OSCAR: variants seen among roughly 807,000 people sequenced by gnomAD.
OSCAR encodes osteoclast-associated immunoglobulin-like receptor.
OSCAR carries 25 observed loss-of-function variants against 27.3 expected under a neutral mutation model. That is an observed-to-expected ratio of 0.92 (90% CI 0.67 to 1.28). The LOEUF is 1.28. Among genes scored for constraint, OSCAR ranks in the 50% most tolerant of loss-of-function variants. OSCAR has a pLI of 0.00. For synonymous variants in OSCAR, 158 were observed against 165.7 expected (o/e 0.95, Z 0.36); for missense variants, 354 against 355.1 (o/e 1.00, Z 0.03).
Position 54,096,129 on chromosome 19 carries a change from A to G in OSCAR, c.398T>C (p.Val133Ala). Residue 133 changes from valine (V) to alanine (A), a missense_variant, in exon 4 of 5, where the codon GTG (valine) becomes GCG (alanine). By Grantham distance (64) the Val-to-Ala change is moderately conservative. Coordinates refer to ENST00000358375, the MANE Select transcript of OSCAR (RefSeq NM_133169.6). ...VTEELPRPSL[V>A]ALPGPVVGPG... ...ACCCACCACCGGCCCGGGCAGCGCC[A>G]CCAGCGACGGCCGCGGCAGCTCCTC... is the stretch of plus-strand genomic sequence containing the variant. The G allele has an allele frequency of 1.4e-5, 21 of 1,524,844 alleles. No homozygotes were observed. The highest frequency in any genetic ancestry group is 1.8e-5 in the Non-Finnish European group (21 of 1,142,860). The allele number at this position is 1,524,844 out of a possible 1,614,324, so 94.5% of individuals were successfully genotyped here. A position where few individuals can be genotyped will look rare whatever the true frequency, so the allele number is the denominator to read the frequency against.
rs746784561 is a variant in OSCAR at position 54,095,333 on chromosome 19, C to T, written c.680G>A (p.Arg227Gln). The change falls in exon 5 of 5, where the codon CGG becomes CAG. Residue 227 changes from arginine (R) to glutamine (Q), a missense_variant. Coordinates refer to ENST00000358375, the MANE Select transcript of OSCAR (RefSeq NM_133169.6). ...WEDSGSSDYT[R>Q]GNLVRLGLAG... is the part of the protein sequence containing the mutation. ...CAGCCCCAGGCGGACTAGGTTCCCC[C>T]GGGTGTAGTCGGAGGAGCCAGAGTC... 1.9e-6 allele frequency: 3 copies of T among 1,569,336 alleles called. No homozygotes were observed. The highest frequency in any genetic ancestry group is 2.3e-5 in the South Asian group (2 of 85,644).
chr19:54,098,841 C>A (rs2146302512), intron 2 of OSCAR, among the ~76,000 whole-genome samples: 1 of 151,692 alleles, frequency 6.6e-6, no homozygotes, highest in East Asian at 2.0e-4. Context: ...CAAAAATTAT[C>A]CGGGCATTGT....
At chr19:54,095,771 G>A in intron 4 of OSCAR, 101 bp downstream of exon 4, 1 of 1,527,286 alleles carries the variant, frequency 6.5e-7, no homozygotes, top group Non-Finnish European at 8.8e-7. Flanking sequence ...TGGGTCTGAA[G>A]GAGGAGAGGC....
intron 3 of OSCAR, among the ~76,000 whole-genome samples, chr19:54,096,556 CCCTCTCTCTCTGCCTG>C (rs2072730102): frequency 3.0e-5 from 2 of 67,030 alleles, no homozygotes; most frequent in Non-Finnish European, 5.2e-5. Context: ...CTCTCTGCCT[CCCTCTCTCTCTGCCTG>C]CCTCTCTCTC....
intron 1 of OSCAR, among the ~76,000 whole-genome samples, chr19:54,100,335 C>T (rs756342820): frequency 4.6e-5 from 7 of 152,168 alleles, no homozygotes; most frequent in Non-Finnish European, 7.3e-5. Context: ...GGCCCTTGAA[C>T]TCCACCTTTC....
intron 2 of OSCAR, among the ~76,000 whole-genome samples, chr19:54,099,229 A>ATT (rs1228940404): frequency 0.012 from 984 of 82,402 alleles, 58 homozygotes; most frequent in African/African-American, 0.041. Flanking sequence ...CACCCGGCTA[A>ATT]TTTTTTTTTT....
intron 3 of OSCAR, 113 bp downstream of exon 3, chr19:54,096,749 T>G (rs1190943357): frequency 4.1e-5 from 48 of 1,173,444 alleles, no homozygotes; most frequent in Non-Finnish European, 5.2e-5. Context: ...TCTTTTCTTG[T>G]GTCTGTGAAT....
At chr19:54,099,209 C>G (rs1465895755) in intron 2 of OSCAR, among the ~76,000 whole-genome samples, 1 of 137,126 alleles carries the variant, frequency 7.3e-6, no homozygotes, top group Non-Finnish European at 1.5e-5. Flanking sequence ...ATTACAGGTG[C>G]GTCCCACCAC....
intron 2 of OSCAR, among the ~76,000 whole-genome samples, chr19:54,097,797 C>T (rs1032597898): frequency 2.7e-5 from 4 of 150,610 alleles, no homozygotes; most frequent in South Asian, 2.1e-4. Flanking sequence ...GACGAGCATT[C>T]GCTATATTGC....
rs2072775158 is a variant in OSCAR at position 54,097,010 on chromosome 19, G to C, written c.225C>G (p.Phe75Leu). ...CTGCCAGCTCGGAGGACACATCCCG[G>C]AAGAGAAGGGGAGCGATCTCTCCAG... ...FKPGEIAPLL[F>L]RDVSSELAEF... The change falls in exon 3 of 5, where the codon TTC becomes TTG. Residue 75 changes from phenylalanine to leucine, a missense_variant. Phe to Leu is a conservative substitution (Grantham distance 22). Coordinates refer to ENST00000358375, the MANE Select transcript of OSCAR (RefSeq NM_133169.6). The C allele has an allele frequency of 1.2e-6, 2 of 1,614,058 alleles. No homozygotes were observed. The highest frequency in any genetic ancestry group is 2.2e-5 in the South Asian group (2 of 91,078).
Position 54,097,099 on chromosome 19 carries a change from C to T in OSCAR, c.136G>A (p.Gly46Arg). Residue 46 changes from glycine to arginine, a missense_variant, in exon 3 of 5, where the codon GGG becomes AGG. By Grantham distance (125) the Gly-to-Arg change is moderately radical. Coordinates refer to ENST00000358375, the MANE Select transcript of OSCAR (RefSeq NM_133169.6). ...GAQPATVVTPGVNVTLRCRAP... is the reference protein window; with the variant it reads ...GAQPATVVTPRVNVTLRCRAP... ...CGGCATCTCAAGGTCACGTTGACCC[C>T]AGGGGTCACAACTGTAGCCGGCTGA... The T allele has an allele frequency of 6.2e-7, 1 of 1,614,190 alleles. No homozygotes were observed. The highest frequency in any genetic ancestry group is 8.5e-7 in the Non-Finnish European group (1 of 1,180,026).
rs1271452975 is a variant in OSCAR, at chr19:54,096,119, G to A, written c.408C>T (p.Pro136=). The change falls in exon 4 of 5, where the codon CCC becomes CCT. Residue 136 remains proline, a synonymous_variant. Coordinates refer to ENST00000358375, the MANE Select transcript of OSCAR (RefSeq NM_133169.6). ...TGGCGCCAGGACCCACCACCGGCCC[G>A]GGCAGCGCCACCAGCGACGGCCGCG... ...ELPRPSLVAL[P]GPVVGPGANV... 2 of 1,526,994 alleles carry A rather than the reference G, an allele frequency of 1.3e-6. No individual in the cohort carries two copies. Among genetic ancestry groups the A allele is most frequent in the Non-Finnish European group, 8.7e-7 (1 of 1,143,626 alleles). 94.6% of individuals were successfully genotyped at this position (1,526,994 alleles called of 1,614,324 possible). A position where few individuals can be genotyped will look rare whatever the true frequency, so the allele number is the denominator to read the frequency against.
At chr19:54,099,816 T>TA in intron 1 of OSCAR, 36 bp from the exon 2 acceptor site, 1 of 1,454,920 alleles carries the variant, frequency 6.9e-7, no homozygotes, top group Non-Finnish European at 9.3e-7. Flanking sequence ...CTTTTTCCTT[T>TA]TTTTTTTTTT....
At position 54,095,937 on chromosome 19, in the gene OSCAR, T is replaced by C. The variant is rs146844863; in HGVS notation, c.590A>G (p.Tyr197Cys). 6.2e-5 allele frequency: 99 copies of C among 1,587,692 alleles called. No homozygotes were observed. In the African/African-American group the frequency reaches 1.1e-3, roughly 18 times the overall value. Reference protein sequence around the residue: ...ARAPGTYSCYYHTPSAPYVLS... With the variant: ...ARAPGTYSCYCHTPSAPYVLS... ...CACGTAGGGCGCGGAGGGCGTGTGATAGTAGCAGCTGTAGGTGCCGGGGGC... is the reference window on the plus strand; with the variant it reads ...CACGTAGGGCGCGGAGGGCGTGTGACAGTAGCAGCTGTAGGTGCCGGGGGC... The change falls in exon 4 of 5, where the codon TAT becomes TGT. Residue 197 changes from tyrosine (Y) to cysteine (C), a missense_variant. By Grantham distance (194) the Tyr-to-Cys change is radical (BLOSUM62 -2). Transcript: ENST00000358375.
intron 2 of OSCAR, among the ~76,000 whole-genome samples, chr19:54,098,694 T>C (rs1380898694): frequency 1.3e-5 from 2 of 150,738 alleles, no homozygotes; most frequent in African/African-American, 4.9e-5. Context: ...TAAAAATGAA[T>C]AAAAATAAGG....
At chr19:54,099,111 G>A (rs1427483695) in intron 2 of OSCAR, among the ~76,000 whole-genome samples, 2 of 151,542 alleles carry the variant, frequency 1.3e-5, no homozygotes, top group Non-Finnish European at 2.9e-5. Flanking sequence ...CACCCAGGCT[G>A]GAGTGCAGTG....
At chr19:54,095,663 G>C (rs587615216) in intron 4 of OSCAR, 2 of 1,006,606 alleles carry the variant, frequency 2.0e-6, no homozygotes, top group Admixed American at 5.8e-5. Flanking sequence ...GTCTGAGGGA[G>C]GAGGAGCTGG....
chr19:54,098,084 A>G (rs752300443), intron 2 of OSCAR, among the ~76,000 whole-genome samples: 4 of 152,156 alleles, frequency 2.6e-5, no homozygotes, highest in Non-Finnish European at 4.4e-5. Context: ...TATTCAAAAA[A>G]CTATAGGAAA....
chr19:54,095,726 G>C (rs2072618710), intron 4 of OSCAR, 146 bp downstream of exon 4: 1 of 1,323,780 alleles, frequency 7.6e-7, no homozygotes, highest in Non-Finnish European at 1.0e-6. Flanking sequence ...AGGAATCCTG[G>C]GTCTGAGGGA....
Sources: allele counts gnomAD v4.1 joint callset (sites outside exome capture counted in the v4.1 genomes callset), GRCh38; gene constraint gnomAD v4.1.1; transcripts MANE v1.5; gene names NCBI Gene and HGNC (gene_info 2026-07-23, HGNC 2026-07-21).